The following ADIPOR2 variants were observed in gnomAD, a reference collection of about 807,000 sequenced individuals.
ADIPOR2 encodes the protein adiponectin receptor protein 2.
ADIPOR2 carries 18 observed loss-of-function variants against 40.9 expected under a neutral mutation model. That is an observed-to-expected ratio of 0.44 (90% CI 0.30 to 0.65). The LOEUF (loss-of-function observed/expected upper bound fraction) is 0.65. Among genes scored for constraint, ADIPOR2 ranks in the 30% least tolerant of loss-of-function variants. The pLI is 0.09. For synonymous variants in ADIPOR2, 165 were observed against 166.4 expected (o/e 0.99, Z 0.06); for missense variants, 283 against 479.2 (o/e 0.59, Z 3.82).
rs571193365 is a variant in ADIPOR2 at position 1,706,879 on chromosome 12, A to G, written c.-87+15688A>G. Among the ~76,000 whole-genome samples the G allele has an allele frequency of 3.3e-5, 5 of 152,188 alleles. No homozygotes were observed. The South Asian group carries it at 1.0e-3, about 32-fold the overall frequency. Reference sequence around the variant, plus strand: ...GGTGGCTCATGCCCATATTTCCATCACTTTGAGAGGCTGAGGTGGGAGGAT... The same window carrying G: ...GGTGGCTCATGCCCATATTTCCATCGCTTTGAGAGGCTGAGGTGGGAGGAT... On this transcript the variant is annotated intron_variant, in intron 1 of 7. Coordinates refer to ENST00000357103, the MANE Select transcript of ADIPOR2 (RefSeq NM_024551.3).
chr12:1,776,107 A>AG (rs774982947), intron 3 of ADIPOR2, among the ~76,000 whole-genome samples: 3 of 152,200 alleles, frequency 2.0e-5, no homozygotes, highest in Admixed American at 6.5e-5. Flanking sequence ...GGGAAGAGGC[A>AG]GGGGGCTAGT....
intron 1 of ADIPOR2, among the ~76,000 whole-genome samples, chr12:1,747,432 A>T (rs2094758058): frequency 6.6e-6 from 1 of 152,222 alleles, no homozygotes; most frequent in African/African-American, 2.4e-5. Context: ...CAATATATAT[A>T]TCACTTCATA....
chr12:1,751,745 G>T (rs979707365), intron 1 of ADIPOR2, among the ~76,000 whole-genome samples: 1 of 151,298 alleles, frequency 6.6e-6, no homozygotes, highest in Non-Finnish European at 1.5e-5. Flanking sequence ...GTTTCGAACT[G>T]CTGGGCTCAA....
intron 1 of ADIPOR2, chr12:1,702,816 A>C (rs1482623549): frequency 6.6e-6 from 1 of 152,228 alleles, no homozygotes; most frequent in East Asian, 1.9e-4. Flanking sequence ...GTTTTATTTA[A>C]GAAACCTGGG....
At position 1,770,322 on chromosome 12, in the gene ADIPOR2, G is replaced by A. The variant is rs982775897; in HGVS notation, c.172-2520G>A. The stretch of plus-strand genomic sequence containing the variant: ...GTTTACTTAATGGTAGTATACATTA[G>A]CCATATTGTGTTTTATGTACATATC... On this transcript the variant is annotated intron_variant, in intron 2 of 7. Coordinates refer to ENST00000357103, the MANE Select transcript of ADIPOR2 (RefSeq NM_024551.3). Among the ~76,000 whole-genome samples the A allele has an allele frequency of 5.3e-5, 8 of 152,146 alleles. No individual in the cohort carries two copies. The South Asian group carries it at 1.7e-3, about 31-fold the overall frequency.
At chr12:1,731,944 A>G (rs867636321) in intron 1 of ADIPOR2, among the ~76,000 whole-genome samples, 1 of 152,280 alleles carries the variant, frequency 6.6e-6, no homozygotes, top group African/African-American at 2.4e-5. Context: ...AGCCTGCATG[A>G]TAGAGTGAGA....
intron 1 of ADIPOR2, among the ~76,000 whole-genome samples, chr12:1,737,671 C>G (rs2094733768): frequency 6.6e-6 from 1 of 152,112 alleles, no homozygotes; most frequent in Non-Finnish European, 1.5e-5. Flanking sequence ...TGACCTCTAC[C>G]TCCTGGGTTC....
chr12:1,724,978 A>G, intron 1 of ADIPOR2, among the ~76,000 whole-genome samples: 1 of 152,198 alleles, frequency 6.6e-6, no homozygotes, highest in Non-Finnish European at 1.5e-5. Context: ...GGAGCAGACT[A>G]TTAAGAGTCA....
chr12:1,783,965 A>G lies in ADIPOR2; in HGVS notation c.924A>G (p.Ile308Met), dbSNP rs1862778315. 2.5e-6 allele frequency: 4 copies of G among 1,613,742 alleles called. No homozygotes were observed. Among genetic ancestry groups the G allele is most frequent in the Non-Finnish European group, 3.4e-6 (4 of 1,179,878 alleles). The change falls in exon 7 of 8, where the codon ATA (isoleucine) becomes ATG (methionine). Residue 308 changes from isoleucine to methionine, a missense_variant. Physicochemically the swap from Ile to Met is conservative, Grantham distance 10. Transcript: ENST00000357103. ...AGGGGTTCCTTAAGGCCGCCACCAT[A>G]GGGCAGATAGGCTGGTTGATGCTGA... is the stretch of plus-strand genomic sequence containing the variant. ...ISEGFLKAAT[I>M]GQIGWLMLMA...
rs539546766 is a variant in ADIPOR2, at chr12:1,771,627, C to T, written c.172-1215C>T. 1.2e-4 allele frequency among the ~76,000 whole-genome samples: 18 copies of T among 152,152 alleles called. 1 individual carries two copies. In the South Asian group the frequency reaches 2.9e-3, roughly 25 times the overall value. ...TGGGTGTATAACATGTCTCACATGCCGCATCATAGCCTCTAGTTAGTGTCT... is the reference window on the plus strand; with the variant it reads ...TGGGTGTATAACATGTCTCACATGCTGCATCATAGCCTCTAGTTAGTGTCT... On this transcript the variant is annotated intron_variant, in intron 2 of 7. Coordinates refer to ENST00000357103, the MANE Select transcript of ADIPOR2 (RefSeq NM_024551.3).
At chr12:1,726,100 C>G (rs2154442332) in intron 1 of ADIPOR2, among the ~76,000 whole-genome samples, 1 of 152,274 alleles carries the variant, frequency 6.6e-6, no homozygotes. Flanking sequence ...GAGAAAATTG[C>G]TTTTGAGGTA....
chr12:1,700,987 A>C (rs1423081972), intron 1 of ADIPOR2, among the ~76,000 whole-genome samples: 2 of 152,154 alleles, frequency 1.3e-5, no homozygotes. Flanking sequence ...TATTAACCAT[A>C]CAGCTGTAGC....
chr12:1,776,348 C>T (rs1862595025), intron 3 of ADIPOR2, among the ~76,000 whole-genome samples: 1 of 152,150 alleles, frequency 6.6e-6, no homozygotes. Context: ...CATGGCTTAC[C>T]CATATTGTCA....
chr12:1,691,709 G>C (rs919028474), intron 1 of ADIPOR2, among the ~76,000 whole-genome samples: 11 of 152,184 alleles, frequency 7.2e-5, no homozygotes, highest in African/African-American at 2.2e-4. Context: ...CAGGCAGCCT[G>C]CTTGGTACCT....
At chr12:1,772,766 C>G in intron 2 of ADIPOR2, 76 bp from the exon 3 acceptor site, 1 of 1,486,658 alleles carries the variant, frequency 6.7e-7, no homozygotes, top group Non-Finnish European at 9.0e-7. Flanking sequence ...CATTATAATT[C>G]CACAAGGGAA....
At chr12:1,695,270 G>A (rs2094636109) in intron 1 of ADIPOR2, among the ~76,000 whole-genome samples, 1 of 151,678 alleles carries the variant, frequency 6.6e-6, no homozygotes, top group African/African-American at 2.4e-5. Flanking sequence ...TGGGAGGATT[G>A]CTTGAGGCTA....
intron 1 of ADIPOR2, among the ~76,000 whole-genome samples, chr12:1,728,056 G>C (rs934056034): frequency 1.3e-5 from 2 of 151,944 alleles, no homozygotes; most frequent in African/African-American, 4.8e-5. Flanking sequence ...CTATTTATGG[G>C]CTCAGAACAC....
intron 2 of ADIPOR2, among the ~76,000 whole-genome samples, chr12:1,767,700 G>C (rs1862413581): frequency 6.6e-6 from 1 of 152,192 alleles, no homozygotes; most frequent in African/African-American, 2.4e-5. Context: ...CTGCCCTAAA[G>C]AGTCCTAGAA....
chr12:1,754,339 A>G lies in ADIPOR2; in HGVS notation c.-5A>G, dbSNP rs1862066369. The G allele has an allele frequency of 6.3e-7, 1 of 1,589,098 alleles. No individual in the cohort carries two copies. Among genetic ancestry groups the G allele is most frequent in the Admixed American group, 1.8e-5 (1 of 56,332 alleles). On this transcript the variant is annotated 5_prime_UTR_variant, in exon 2 of 8. Coordinates refer to ENST00000357103, the MANE Select transcript of ADIPOR2 (RefSeq NM_024551.3). ...ATCTATTTGTAAGAAAGGCTTGGGTATCCCATGAACGAGCCAACAGAAAAC... is the reference window on the plus strand; with the variant it reads ...ATCTATTTGTAAGAAAGGCTTGGGTGTCCCATGAACGAGCCAACAGAAAAC...
Sources: gnomAD v4.1 joint callset for allele counts (sites outside exome capture counted in the v4.1 genomes callset) on GRCh38, gnomAD v4.1.1 for gene constraint, MANE v1.5 for transcripts, NCBI Gene and HGNC (gene_info 2026-07-23, HGNC 2026-07-21) for gene names.